The following TTC28 variants were observed in gnomAD, a reference collection of about 807,000 sequenced individuals.
TTC28 encodes the protein tetratricopeptide repeat domain 28.
Under a neutral mutation model 198.0 loss-of-function variants are expected in TTC28, and 61 were observed. The observed-to-expected ratio is 0.31, with a 90% CI of 0.25 to 0.38. The LOEUF is 0.38. Ranked by LOEUF, TTC28 falls within the 10% of genes least tolerant of loss-of-function variation. TTC28 has a pLI of 1.00. For missense variants in TTC28, 2,678 were observed against 3,164.0 expected (o/e 0.85, Z 3.69); for synonymous variants, 1,171 against 1,297.8 (o/e 0.90, Z 2.10).
chr22:28,617,058 G>A (rs558429077), intron 2 of TTC28, among the ~76,000 whole-genome samples: 1 of 152,180 alleles, frequency 6.6e-6, no homozygotes, highest in South Asian at 2.1e-4. Flanking sequence ...AGATATCCTT[G>A]AAGAACATAA....
chr22:28,642,194 C>T (rs755940405), intron 1 of TTC28, among the ~76,000 whole-genome samples: 1 of 147,100 alleles, frequency 6.8e-6, no homozygotes, highest in Non-Finnish European at 1.5e-5. Flanking sequence ...AAAATAAAAT[C>T]ATTTTTAAAT....
intron 5 of TTC28, among the ~76,000 whole-genome samples, chr22:28,167,033 A>G (rs1922053331): frequency 6.6e-6 from 1 of 152,228 alleles, no homozygotes; most frequent in African/African-American, 2.4e-5. Context: ...ATCAGAGAAT[A>G]CTATAAACAC....
chr22:28,085,202 A>C (rs1236687052), intron 12 of TTC28, among the ~76,000 whole-genome samples: 1 of 152,062 alleles, frequency 6.6e-6, no homozygotes, highest in African/African-American at 2.4e-5. Context: ...TCCAAGACAC[A>C]TCATTGTCAG....
intron 2 of TTC28, among the ~76,000 whole-genome samples, chr22:28,572,423 T>C (rs187229814): frequency 6.6e-6 from 1 of 152,310 alleles, no homozygotes; most frequent in Non-Finnish European, 1.5e-5. Flanking sequence ...ACATAAATTA[T>C]AGTATATCTA....
At chr22:28,381,522 T>A (rs2046494448) in intron 2 of TTC28, among the ~76,000 whole-genome samples, 3 of 152,192 alleles carry the variant, frequency 2.0e-5, no homozygotes, top group African/African-American at 7.2e-5. Context: ...CTGGCATTTT[T>A]ACTCTGATGA....
At chr22:28,568,989 A>C (rs2050021135) in intron 2 of TTC28, among the ~76,000 whole-genome samples, 1 of 151,936 alleles carries the variant, frequency 6.6e-6, no homozygotes, top group Non-Finnish European at 1.5e-5. Context: ...TCTACTAAAA[A>C]TACAAAAATT....
intron 5 of TTC28, among the ~76,000 whole-genome samples, chr22:28,181,661 G>A (rs1388922214): frequency 6.6e-6 from 1 of 152,178 alleles, no homozygotes; most frequent in Admixed American, 6.5e-5. Context: ...TATAAATGGT[G>A]AGGCTGATGA....
At chr22:28,627,634 G>A (rs968670750) in intron 2 of TTC28, among the ~76,000 whole-genome samples, 9 of 151,926 alleles carry the variant, frequency 5.9e-5, no homozygotes, top group East Asian at 1.9e-4. Context: ...GTTTCACCAC[G>A]TTGGCCAGGC....
chr22:28,166,035 T>G (rs1435912406), intron 5 of TTC28, among the ~76,000 whole-genome samples: 2 of 152,072 alleles, frequency 1.3e-5, no homozygotes, highest in Non-Finnish European at 2.9e-5. Flanking sequence ...AATCCTAGTC[T>G]CGGGTAAAAC....
rs2044926939 is a variant in TTC28, at chr22:28,297,657, C to G, written c.725G>C (p.Ser242Thr). 2 of 1,551,598 alleles carry G rather than the reference C, an allele frequency of 1.3e-6. No individual in the cohort carries two copies. The highest frequency in any genetic ancestry group is 1.7e-6 in the Non-Finnish European group (2 of 1,147,006). ...TGTATTTCCAAGAGACCAGTAAGCA[C>G]TGCTCAGGGCAGAGAAAACAGAACC... ...LRGSVFSALS[S>T]AYWSLGNTEK... Residue 242 changes from serine to threonine, a missense_variant, in exon 4 of 23, where the codon AGT becomes ACT. Physicochemically the swap from Ser to Thr is moderately conservative, Grantham distance 58. Coordinates refer to ENST00000397906, the MANE Select transcript of TTC28 (RefSeq NM_001145418.2).
chr22:28,447,287 C>T (rs995826943), intron 2 of TTC28, among the ~76,000 whole-genome samples: 1 of 151,958 alleles, frequency 6.6e-6, no homozygotes, highest in African/African-American at 2.4e-5. Context: ...CCTAAAGATA[C>T]ATGAATCATG....
intron 5 of TTC28, among the ~76,000 whole-genome samples, chr22:28,168,481 C>A (rs575495844): frequency 6.6e-6 from 1 of 152,008 alleles, no homozygotes; most frequent in East Asian, 1.9e-4. Flanking sequence ...GAGATATAGA[C>A]CAATGGAACA....
chr22:28,558,471 C>T (rs1483714434), intron 2 of TTC28, among the ~76,000 whole-genome samples: 4 of 151,924 alleles, frequency 2.6e-5, no homozygotes, highest in African/African-American at 9.7e-5. Context: ...GTCAGGAGTT[C>T]AAGACCAGCC....
At chr22:28,180,205 T>A (rs1923569272) in intron 5 of TTC28, among the ~76,000 whole-genome samples, 1 of 152,168 alleles carries the variant, frequency 6.6e-6, no homozygotes, top group Admixed American at 6.6e-5. Flanking sequence ...TGCCTGAAAA[T>A]CTACCCTTAA....
chr22:28,225,848 T>C (rs1433323488), intron 5 of TTC28, among the ~76,000 whole-genome samples: 1 of 152,226 alleles, frequency 6.6e-6, no homozygotes, highest in African/African-American at 2.4e-5. Flanking sequence ...AAAGATTAGT[T>C]TGCATTTTGT....
chr22:28,510,478 T>G (rs1053691904), intron 2 of TTC28, among the ~76,000 whole-genome samples: 9 of 152,030 alleles, frequency 5.9e-5, no homozygotes, highest in Non-Finnish European at 1.3e-4. Context: ...TCCCTTCATG[T>G]TAAAAACTCT....
At chr22:28,227,689 T>G (rs1423816137) in intron 5 of TTC28, among the ~76,000 whole-genome samples, 4 of 151,802 alleles carry the variant, frequency 2.6e-5, no homozygotes, top group Non-Finnish European at 5.9e-5. Flanking sequence ...CTCATTAGGA[T>G]GTTATTACAG....
intron 2 of TTC28, among the ~76,000 whole-genome samples, chr22:28,473,351 C>G (rs1309558985): frequency 6.6e-6 from 1 of 152,094 alleles, no homozygotes; most frequent in Non-Finnish European, 1.5e-5. Context: ...TAGGACTCAA[C>G]TCTGGAGGTG....
chr22:28,564,882 A>ATTATATAAATAAATTTATATGTAATTT (rs2049946617), intron 2 of TTC28, among the ~76,000 whole-genome samples: 2 of 147,564 alleles, frequency 1.4e-5, no homozygotes, highest in Non-Finnish European at 3.0e-5. Context: ...TTTATAATTT[A>ATTATATAAATAAATTTATATGTAATTT]TTATATAAAT....
Sources: gnomAD v4.1 joint callset for allele counts (sites outside exome capture counted in the v4.1 genomes callset) on GRCh38, gnomAD v4.1.1 for gene constraint, MANE v1.5 for transcripts, NCBI Gene and HGNC (gene_info 2026-07-23, HGNC 2026-07-21) for gene names.